Variants in L3MBTL4 observed in about 807,000 individuals in gnomAD.
The protein encoded by L3MBTL4 is lethal(3)malignant brain tumor-like protein 4.
Under a neutral mutation model 84.5 loss-of-function variants are expected in L3MBTL4, and 70 were observed. The ratio of observed to expected loss-of-function variants is 0.83; its 90% confidence interval spans 0.68 to 1.01. The LOEUF is 1.01. L3MBTL4 is among the 50% of genes least tolerant of loss of function. The pLI is 0.00. For synonymous variants in L3MBTL4, 274 were observed against 259.8 expected (o/e 1.05, Z -0.52); for missense variants, 715 against 754.8 (o/e 0.95, Z 0.62).
chr18:6,224,419 T>G (rs2046690328), intron 10 of L3MBTL4, among the ~76,000 whole-genome samples: 1 of 152,186 alleles, frequency 6.6e-6, no homozygotes, highest in African/African-American at 2.4e-5. Context: ...GGTCTTAAAG[T>G]CTGGTAGACC....
At chr18:6,335,899 C>A (rs1198857588) in intron 1 of L3MBTL4, among the ~76,000 whole-genome samples, 1 of 152,158 alleles carries the variant, frequency 6.6e-6, no homozygotes, top group African/African-American at 2.4e-5. Context: ...ATAAATTACC[C>A]AGTCTCAGGT....
intron 16 of L3MBTL4, among the ~76,000 whole-genome samples, chr18:6,072,865 CAAAA>C (rs71370542): frequency 6.2e-3 from 19 of 3,062 alleles, no homozygotes; most frequent in Admixed American, 0.02. Context: ...GACTCCGTCT[CAAAA>C]AAAAAAAAAA....
At chr18:6,167,084 G>A (rs1162434551) in intron 13 of L3MBTL4, among the ~76,000 whole-genome samples, 2 of 152,108 alleles carry the variant, frequency 1.3e-5, no homozygotes, top group Non-Finnish European at 2.9e-5. Context: ...TAGAAGAAAT[G>A]GATAAATTCC....
At chr18:6,295,346 C>CTCTCTCTCTCTCTCTATATATA (rs1261475809) in intron 4 of L3MBTL4, among the ~76,000 whole-genome samples, 1 of 81,382 alleles carries the variant, frequency 1.2e-5, no homozygotes, top group African/African-American at 6.6e-5. Context: ...CTCTCTCTCT[C>CTCTCTCTCTCTCTCTATATATA]TATATATATA....
intron 1 of L3MBTL4, among the ~76,000 whole-genome samples, chr18:6,382,723 A>G: frequency 6.6e-6 from 1 of 152,168 alleles, no homozygotes; most frequent in East Asian, 1.9e-4. Flanking sequence ...TGTCAGCCAG[A>G]GCTCTCCTGT....
At chr18:6,261,755 G>A (rs1373610225) in intron 5 of L3MBTL4, among the ~76,000 whole-genome samples, 1 of 152,198 alleles carries the variant, frequency 6.6e-6, no homozygotes, top group Non-Finnish European at 1.5e-5. Flanking sequence ...CAATCCTGCA[G>A]GTGTTCTTGC....
At chr18:6,332,821 T>C (rs1413654166) in intron 1 of L3MBTL4, among the ~76,000 whole-genome samples, 1 of 152,202 alleles carries the variant, frequency 6.6e-6, no homozygotes, top group African/African-American at 2.4e-5. Context: ...CCATTTCTGT[T>C]TTTTGCAACT....
chr18:6,190,551 T>A lies in L3MBTL4; in HGVS notation c.982-18609A>T, dbSNP rs184247503. Among the ~76,000 whole-genome samples the A allele has an allele frequency of 4.6e-4, 70 of 152,338 alleles. 2 individuals carry two copies. In the East Asian group the frequency reaches 0.013, roughly 28 times the overall value. On this transcript the variant is annotated intron_variant, in intron 12 of 18. Coordinates refer to ENST00000317931, the MANE Select transcript of L3MBTL4 (RefSeq NM_001330559.2). ...CAGTAGAGTTCTAAATAATTATTCA[T>A]GTATTCATTTAAGCCACAAATATTA... is the stretch of plus-strand genomic sequence containing the variant.
chr18:6,149,196 C>G (rs186863830), intron 13 of L3MBTL4, among the ~76,000 whole-genome samples: 1 of 112,634 alleles, frequency 8.9e-6, no homozygotes, highest in Admixed American at 1.1e-4. Flanking sequence ...TATCCCTCCC[C>G]CCTCCCCCCA....
intron 1 of L3MBTL4, among the ~76,000 whole-genome samples, chr18:6,329,097 C>T (rs950479896): frequency 6.6e-6 from 1 of 151,678 alleles, no homozygotes; most frequent in Non-Finnish European, 1.5e-5. Flanking sequence ...GATGGTTGTC[C>T]CACCTTCCAA....
intron 3 of L3MBTL4, among the ~76,000 whole-genome samples, chr18:6,302,249 C>A (rs1205730835): frequency 6.6e-6 from 1 of 152,080 alleles, no homozygotes; most frequent in Non-Finnish European, 1.5e-5. Context: ...TGAGTGGATC[C>A]CTGGGCCTGA....
chr18:6,042,381 A>G (rs974193942), intron 16 of L3MBTL4, among the ~76,000 whole-genome samples: 2 of 151,926 alleles, frequency 1.3e-5, no homozygotes, highest in African/African-American at 4.8e-5. Flanking sequence ...ACAGACACAT[A>G]CACACACACC....
chr18:5,988,722 G>A (rs1461975668), intron 16 of L3MBTL4, among the ~76,000 whole-genome samples: 2 of 152,152 alleles, frequency 1.3e-5, no homozygotes, highest in African/African-American at 4.8e-5. Flanking sequence ...ATATAGGTGG[G>A]CTAGATCAGG....
intron 4 of L3MBTL4, among the ~76,000 whole-genome samples, chr18:6,269,021 C>T (rs980289244): frequency 2.6e-5 from 4 of 152,126 alleles, no homozygotes; most frequent in African/African-American, 7.2e-5. Context: ...CACTAGACAC[C>T]GCTGACTCAC....
chr18:6,393,217 A>G (rs542687869), intron 1 of L3MBTL4, among the ~76,000 whole-genome samples: 1 of 152,316 alleles, frequency 6.6e-6, no homozygotes, highest in African/African-American at 2.4e-5. Flanking sequence ...TAGATATGCA[A>G]CTAATTTCTC....
intron 3 of L3MBTL4, among the ~76,000 whole-genome samples, chr18:6,310,479 C>T (rs1247204891): frequency 6.6e-6 from 1 of 152,206 alleles, no homozygotes; most frequent in Non-Finnish European, 1.5e-5. Flanking sequence ...CCAGATCATT[C>T]TTTGAGATGT....
chr18:6,032,477 G>A (rs1462530162), intron 16 of L3MBTL4, among the ~76,000 whole-genome samples: 3 of 151,686 alleles, frequency 2.0e-5, no homozygotes, highest in African/African-American at 7.3e-5. Flanking sequence ...GTGATTGTGG[G>A]GGCTGGTAAT....
At chr18:6,332,976 T>G (rs1378282012) in intron 1 of L3MBTL4, among the ~76,000 whole-genome samples, 3 of 152,214 alleles carry the variant, frequency 2.0e-5, no homozygotes, top group Non-Finnish European at 4.4e-5. Flanking sequence ...CCAACGTTAC[T>G]CTAACTCATT....
chr18:6,014,103 A>G (rs923937722), intron 16 of L3MBTL4, among the ~76,000 whole-genome samples: 9 of 152,142 alleles, frequency 5.9e-5, no homozygotes, highest in African/African-American at 2.2e-4. Flanking sequence ...CTCTTTGGTA[A>G]ATGAAAATCA....
Sources: gnomAD v4.1 joint callset for allele counts (sites outside exome capture counted in the v4.1 genomes callset) on GRCh38, gnomAD v4.1.1 for gene constraint, MANE v1.5 for transcripts, NCBI Gene and HGNC (gene_info 2026-07-23, HGNC 2026-07-21) for gene names.